Variants in PLEKHA6 observed in about 807,000 individuals in gnomAD.
The protein encoded by PLEKHA6 is pleckstrin homology domain containing A6, also known as pleckstrin homology domain-containing family A member 6.
Under a neutral mutation model 116.7 loss-of-function variants are expected in PLEKHA6, and 60 were observed. That is an observed-to-expected ratio of 0.51 (90% CI 0.42 to 0.64). PLEKHA6 has a LOEUF of 0.64. PLEKHA6 is among the 30% of genes least tolerant of loss of function. PLEKHA6 has a pLI of 0.00. For missense variants in PLEKHA6, 1,338 were observed against 1,422.7 expected (o/e 0.94, Z 0.96); for synonymous variants, 489 against 556.1 (o/e 0.88, Z 1.70).
intron 1 of PLEKHA6, among the ~76,000 whole-genome samples, chr1:204,301,775 CAGG>C (rs2103089952): frequency 6.6e-6 from 1 of 152,320 alleles, no homozygotes; most frequent in South Asian, 2.1e-4. Flanking sequence ...TTCATGGCCT[CAGG>C]AGGCTTTTAA....
At chr1:204,373,126 G>A (rs117892996) in intron 1 of PLEKHA6, among the ~76,000 whole-genome samples, 21 of 129,686 alleles carry the variant, frequency 1.6e-4, no homozygotes, top group African/African-American at 4.3e-4. Context: ...GTATCACTCC[G>A]TCACCCAGGC....
chr1:204,306,136 A>G (rs1558167034), intron 1 of PLEKHA6, among the ~76,000 whole-genome samples: 1 of 152,026 alleles, frequency 6.6e-6, no homozygotes, highest in Non-Finnish European at 1.5e-5. Context: ...CCTCCAATGT[A>G]TATCTCACCA....
chr1:204,306,576 T>C (rs1228255524), intron 1 of PLEKHA6, among the ~76,000 whole-genome samples: 2 of 152,232 alleles, frequency 1.3e-5, no homozygotes, highest in Non-Finnish European at 2.9e-5. Flanking sequence ...TGGTTCAAGC[T>C]AATTTCACAT....
Position 204,257,400 on chromosome 1 carries a change from C to T in PLEKHA6, c.1477G>A (p.Ala493Thr). 1 of 1,563,782 alleles carries T rather than the reference C, an allele frequency of 6.4e-7. No individual in the cohort carries two copies. Among genetic ancestry groups the T allele is most frequent in the Non-Finnish European group, 8.7e-7 (1 of 1,153,468 alleles). The stretch of plus-strand genomic sequence containing the variant: ...CTCATCACATAGGCAGCAGGGTCAG[C>T]ATAGATGTCCTCACTGCGAGGTGGC... The part of the protein sequence containing the change: ...RLPPRSEDIY[A>T]DPAAYVMRRS... The change falls in exon 9 of 23, where the codon GCT becomes ACT. Residue 493 changes from alanine (A) to threonine (T), a missense_variant. Physicochemically the swap from Ala to Thr is moderately conservative, Grantham distance 58 (BLOSUM62 0). Transcript: ENST00000272203. The surrounding 1 kb of genome is among the most constrained non-coding windows in gnomAD (Gnocchi z 6.5).
At chr1:204,224,961 A>T (rs892090720) in intron 21 of PLEKHA6, among the ~76,000 whole-genome samples, 6 of 152,200 alleles carry the variant, frequency 3.9e-5, no homozygotes, top group Non-Finnish European at 7.3e-5. Flanking sequence ...AGGCTCTCAG[A>T]ATTTACTCAT....
At chr1:204,227,956 C>T (rs748239508) in intron 21 of PLEKHA6, 127 bp downstream of exon 21, 71 of 979,588 alleles carry the variant, frequency 7.2e-5, no homozygotes, top group Non-Finnish European at 1.0e-4. Flanking sequence ...GTCTCAACCT[C>T]GAGGAGCATC....
chr1:204,365,189 T>C (rs774644051), intron 3 of PLEKHA6, among the ~76,000 whole-genome samples: 2 of 152,176 alleles, frequency 1.3e-5, no homozygotes, highest in Non-Finnish European at 2.9e-5. Flanking sequence ...AGCGAGACTA[T>C]GATGCCCTTT....
intron 21 of PLEKHA6, among the ~76,000 whole-genome samples, chr1:204,226,756 T>C (rs1041627962): frequency 3.3e-5 from 5 of 152,170 alleles, no homozygotes; most frequent in African/African-American, 1.2e-4. Context: ...TCATTAAGGC[T>C]TACTTAAATC....
At chr1:204,313,732 C>T in intron 1 of PLEKHA6, 1 of 984,290 alleles carries the variant, frequency 1.0e-6, no homozygotes, top group East Asian at 1.1e-4. Flanking sequence ...TCTGTCATCT[C>T]CCTGGGAGAC....
At chr1:204,266,882 C>T (rs1038405652) in intron 5 of PLEKHA6, among the ~76,000 whole-genome samples, 2 of 152,308 alleles carry the variant, frequency 1.3e-5, no homozygotes, top group South Asian at 4.1e-4. Context: ...CTCAGCCTGC[C>T]TTGGCACAAC....
intron 9 of PLEKHA6, 45 bp from the exon 10 acceptor site, chr1:204,250,659 G>C: frequency 1.5e-6 from 2 of 1,305,802 alleles, no homozygotes; most frequent in Non-Finnish European, 2.2e-6. Flanking sequence ...GCAGGATGAG[G>C]GTATGCAGGG....
chr1:204,276,120 T>C (rs1456533049), intron 1 of PLEKHA6, among the ~76,000 whole-genome samples: 1 of 148,806 alleles, frequency 6.7e-6, no homozygotes, highest in Non-Finnish European at 1.5e-5. Flanking sequence ...AAAGATAATA[T>C]CAAAGAGTGT....
At chr1:204,373,791 C>T (rs1673819921) in intron 1 of PLEKHA6, among the ~76,000 whole-genome samples, 1 of 152,144 alleles carries the variant, frequency 6.6e-6, no homozygotes, top group African/African-American at 2.4e-5. Context: ...GATCTCCCAG[C>T]TAACCTACCC....
intron 1 of PLEKHA6, among the ~76,000 whole-genome samples, chr1:204,352,418 C>T (rs2103367787): frequency 6.6e-6 from 1 of 152,066 alleles, no homozygotes; most frequent in Non-Finnish European, 1.5e-5. Flanking sequence ...CTATCCAGTG[C>T]CACATGTTTT....
intron 1 of PLEKHA6, among the ~76,000 whole-genome samples, chr1:204,338,905 C>G (rs1207154275): frequency 1.3e-5 from 2 of 152,198 alleles, no homozygotes; most frequent in African/African-American, 4.8e-5. Flanking sequence ...CCAAAAAGGT[C>G]TGCAGATTCT....
At chr1:204,364,029 G>T (rs567965884), upstream of PLEKHA6, among the ~76,000 whole-genome samples, 1 of 152,174 alleles carries the variant, frequency 6.6e-6, no homozygotes, top group African/African-American at 2.4e-5. Flanking sequence ...TACCCTGAAA[G>T]AAAGAGCTTT....
At position 204,303,937 on chromosome 1, in the gene PLEKHA6, A is replaced by G. The variant is rs555085831; in HGVS notation, c.-94-29128T>C. On this transcript the variant is annotated intron_variant, in intron 1 of 22. Transcript: ENST00000272203. ...ACCGTGTTGCCCAGGCTTGTCTTGAACTCCTGAGCTCAAGCGATCTGCCCG... is the reference window on the plus strand; with the variant it reads ...ACCGTGTTGCCCAGGCTTGTCTTGAGCTCCTGAGCTCAAGCGATCTGCCCG... Among the ~76,000 whole-genome samples, 90 of 150,380 alleles carry G rather than the reference A, an allele frequency of 6.0e-4. 2 individuals carry two copies. The South Asian group carries it at 0.018, about 30-fold the overall frequency.
intron 1 of PLEKHA6, among the ~76,000 whole-genome samples, chr1:204,293,357 A>T (rs960445848): frequency 3.3e-5 from 5 of 151,668 alleles, no homozygotes; most frequent in African/African-American, 1.2e-4. Context: ...CTGATCTCGA[A>T]CTCCTGGCCT....
At chr1:204,331,286 T>C (rs1672439907) in intron 1 of PLEKHA6, among the ~76,000 whole-genome samples, 1 of 151,500 alleles carries the variant, frequency 6.6e-6, no homozygotes, top group Non-Finnish European at 1.5e-5. Flanking sequence ...CCTTTCTGCC[T>C]GCATTAGGTA....
Sources: gnomAD v4.1 joint callset for allele counts (sites outside exome capture counted in the v4.1 genomes callset) on GRCh38, gnomAD v4.1.1 for gene constraint, Gnocchi (gnomAD v3.1) non-coding constraint, MANE v1.5 for transcripts, NCBI Gene and HGNC (gene_info 2026-07-23, HGNC 2026-07-21) for gene names.